Variants in FNDC1 observed in about 807,000 individuals in gnomAD.
FNDC1 encodes fibronectin type III domain containing 1.
FNDC1 carries 96 observed loss-of-function variants against 168.0 expected under a neutral mutation model. That is an observed-to-expected ratio of 0.57 (90% confidence interval 0.48 to 0.68). The LOEUF is 0.68. Ranked by LOEUF, FNDC1 falls within the 30% of genes least tolerant of loss-of-function variation. FNDC1 has a pLI of 0.00. For synonymous variants in FNDC1, 1,099 were observed against 1,025.9 expected (o/e 1.07, Z -1.36); for missense variants, 2,587 against 2,482.1 (o/e 1.04, Z -0.90).
intron 1 of FNDC1, among the ~76,000 whole-genome samples, chr6:159,186,937 A>G (rs906720782): frequency 3.9e-5 from 6 of 152,220 alleles, no homozygotes; most frequent in African/African-American, 1.4e-4. Context: ...TGCATGCATG[A>G]AAGTTTGGCC....
At chr6:159,244,110 G>T (rs1562306251) in intron 14 of FNDC1, among the ~76,000 whole-genome samples, 2 of 152,136 alleles carry the variant, frequency 1.3e-5, no homozygotes, top group Admixed American at 6.5e-5. Flanking sequence ...ATAATGAAAA[G>T]AAATGACACT....
At chr6:159,225,389 CAT>C (rs1031684985) in intron 7 of FNDC1, 144 bp from the exon 8 acceptor site, 4 of 625,364 alleles carry the variant, frequency 6.4e-6, no homozygotes, top group Middle Eastern at 4.8e-4. Flanking sequence ...GAGCCAATAA[CAT>C]AGTCAAAAGT....
At chr6:159,256,415 A>G (rs1777374327) in intron 17 of FNDC1, 108 bp from the exon 18 acceptor site, 2 of 771,608 alleles carry the variant, frequency 2.6e-6, no homozygotes, top group South Asian at 1.6e-5. Context: ...TAGTTCCCAC[A>G]TGGAGCTGCA....
chr6:159,223,779 G>A, intron 7 of FNDC1, 134 bp downstream of exon 7: 1 of 609,264 alleles, frequency 1.6e-6, no homozygotes, highest in Non-Finnish European at 2.9e-6. Context: ...TAGCTGAATG[G>A]TAAATATTCT....
intron 15 of FNDC1, among the ~76,000 whole-genome samples, chr6:159,248,664 A>C (rs1032529830): frequency 6.6e-6 from 1 of 152,178 alleles, no homozygotes; most frequent in African/African-American, 2.4e-5. Context: ...TTTATTCTCT[A>C]AAAGGGAACA....
At chr6:159,177,669 C>T (rs55997842) in intron 1 of FNDC1, among the ~76,000 whole-genome samples, 3,606 of 152,252 alleles carry the variant, frequency 0.024, 125 homozygotes, top group African/African-American at 0.081. Flanking sequence ...CACAGAATCA[C>T]ATATACAATA....
At chr6:159,242,805 G>T (rs2115005013) in intron 14 of FNDC1, among the ~76,000 whole-genome samples, 1 of 152,292 alleles carries the variant, frequency 6.6e-6, no homozygotes, top group Non-Finnish European at 1.5e-5. Flanking sequence ...GTGGCTTTTT[G>T]GGTCTGGCTT....
In FNDC1 at chr6:159,197,443, T is replaced by A. The variant is rs921211440; in HGVS notation, c.122T>A (p.Leu41Gln). 1 of 1,612,504 alleles carries A rather than the reference T, an allele frequency of 6.2e-7. No individual in the cohort carries two copies. The highest frequency in any genetic ancestry group is 1.7e-5 in the Admixed American group (1 of 59,754). The change falls in exon 2 of 23, where the codon CTG becomes CAG. Residue 41 changes from leucine (L) to glutamine (Q), a missense_variant. Leu to Gln is a moderately radical substitution (Grantham distance 113). Coordinates refer to ENST00000297267, the MANE Select transcript of FNDC1 (RefSeq NM_032532.3). ...SSAAASVDHP[L>Q]KPRHVKLLST... ...GCTGTTTACATAGTTGACCACCCAC[T>A]GAAGCCAAGGCATGTGAAACTGCTG...
chr6:159,183,410 G>T (rs777750209), intron 1 of FNDC1, among the ~76,000 whole-genome samples: 1 of 152,178 alleles, frequency 6.6e-6, no homozygotes, highest in African/African-American at 2.4e-5. Context: ...GATTTAAACT[G>T]TCATCCCTCA....
Position 159,229,990 on chromosome 6 carries a change from C to T in FNDC1, c.1356C>T (p.Val452=), listed in dbSNP as rs752422415. ...GLGPHSKAFI[V]AMPTTSKADV... ...GACCTCACTCCAAAGCCTTCATTGT[C>T]GCTATGCCAACAAGTAAGCATTATG... Residue 452 remains valine (V), a synonymous_variant, in exon 10 of 23, where the codon GTC becomes GTT. Coordinates refer to ENST00000297267, the MANE Select transcript of FNDC1 (RefSeq NM_032532.3). 5 of 1,613,470 alleles carry T rather than the reference C, an allele frequency of 3.1e-6. No individual in the cohort carries two copies. The highest frequency in any genetic ancestry group is 1.3e-5 in the African/African-American group (1 of 75,002).
intron 18 of FNDC1, among the ~76,000 whole-genome samples, chr6:159,260,193 C>T (rs1480561709): frequency 6.6e-6 from 1 of 152,192 alleles, no homozygotes; most frequent in Non-Finnish European, 1.5e-5. Flanking sequence ...TTACCTCTCT[C>T]TTCATCTGTA....
chr6:159,233,909 G>A lies in FNDC1; in HGVS notation c.3397G>A (p.Ala1133Thr). The change falls in exon 11 of 23, where the codon GCC becomes ACC. Residue 1133 changes from alanine to threonine, a missense_variant. Coordinates refer to ENST00000297267, the MANE Select transcript of FNDC1 (RefSeq NM_032532.3). This position sits in a 1 kb window ranked among gnomAD's most constrained non-coding sequence, Gnocchi z 4.6. ...CCACAGGTCCCAGCGCGGACATGCG[G>A]CCTCCCCCGCCAGGCCCAGCCGACC... is the stretch of plus-strand genomic sequence containing the variant. ...GDHRSQRGHAASPARPSRPGG... is the reference protein window; with the variant it reads ...GDHRSQRGHATSPARPSRPGG... 1 of 1,547,590 alleles carries A rather than the reference G, an allele frequency of 6.5e-7. No homozygotes were observed. The highest frequency in any genetic ancestry group is 8.7e-7 in the Non-Finnish European group (1 of 1,145,418).
At chr6:159,267,990 GA>G in intron 22 of FNDC1, 64 bp downstream of exon 22, 2 of 1,537,742 alleles carry the variant, frequency 1.3e-6, no homozygotes, top group Non-Finnish European at 1.8e-6. Context: ...AATAGAGGGG[GA>G]AAATCCACAG....
At chr6:159,257,175 G>T (rs770789849) in intron 18 of FNDC1, among the ~76,000 whole-genome samples, 1 of 152,194 alleles carries the variant, frequency 6.6e-6, no homozygotes, top group Non-Finnish European at 1.5e-5. Context: ...AGGCAAAACT[G>T]GTTCCCAGGA....
intron 1 of FNDC1, among the ~76,000 whole-genome samples, chr6:159,175,822 C>T (rs867077135): frequency 1.4e-4 from 22 of 152,342 alleles, no homozygotes; most frequent in African/African-American, 4.1e-4. Flanking sequence ...GAAATCACAA[C>T]TTTGAACCTT....
At chr6:159,256,446 C>G (rs906347269) in intron 17 of FNDC1, 77 bp from the exon 18 acceptor site, 3 of 1,066,758 alleles carry the variant, frequency 2.8e-6, no homozygotes, top group Middle Eastern at 2.0e-4. Context: ...TGCCTCACAC[C>G]TGTCCTCAGT....
At chr6:159,236,398 G>T in intron 12 of FNDC1, 83 bp downstream of exon 12, 1 of 892,886 alleles carries the variant, frequency 1.1e-6, no homozygotes, top group Non-Finnish European at 1.8e-6. Context: ...AATGATAAAT[G>T]AAGTGGTCTT....
intron 4 of FNDC1, among the ~76,000 whole-genome samples, chr6:159,210,782 A>G (rs1782586056): frequency 6.6e-6 from 1 of 152,136 alleles, no homozygotes; most frequent in Non-Finnish European, 1.5e-5. Flanking sequence ...GAGTATGGCC[A>G]ACAAAGCTGA....
chr6:159,209,254 G>A (rs554894), intron 4 of FNDC1, among the ~76,000 whole-genome samples: 6 of 152,126 alleles, frequency 3.9e-5, no homozygotes, highest in Admixed American at 6.5e-5. Context: ...CACGCTCCAG[G>A]CTTCTGGGCT....
Sources: allele counts gnomAD v4.1 joint callset (sites outside exome capture counted in the v4.1 genomes callset), GRCh38; gene constraint gnomAD v4.1.1; non-coding constraint Gnocchi (gnomAD v3.1); transcripts MANE v1.5; gene names NCBI Gene and HGNC (gene_info 2026-07-23, HGNC 2026-07-21).